The following SAMD5 variants were observed in gnomAD, a reference collection of about 807,000 sequenced individuals.
SAMD5 encodes sterile alpha motif domain containing 5.
SAMD5 carries 13 observed loss-of-function variants against 11.3 expected under a neutral mutation model. That is an observed-to-expected ratio of 1.15 (90% CI 0.75 to 1.83). The LOEUF (loss-of-function observed/expected upper bound fraction) is 1.83, where lower values mean the gene tolerates loss of function less well. Ranked by LOEUF, SAMD5 falls within the 40% of genes most tolerant of loss-of-function variation. SAMD5 has a pLI of 0.00. For missense variants in SAMD5, 255 were observed against 239.1 expected, an observed-to-expected ratio of 1.07 and a Z score of -0.44; for synonymous variants, 129 against 111.3, an observed-to-expected ratio of 1.16 and a Z score of -1.00.
rs190470963 is a variant in SAMD5, at chr6:147,619,459, A to G, written c.162+110072A>G. 3.5e-3 allele frequency among the ~76,000 whole-genome samples: 534 copies of G among 152,334 alleles called. 6 individuals are homozygous for G. The highest frequency in any genetic ancestry group is 5.5e-3 in the Non-Finnish European group (371 of 68,032). ...AGATACTCATGAGGCAGATACGCAGATACTCATGAGGCAGATATGTGGATA... is the reference window on the plus strand; with the variant it reads ...AGATACTCATGAGGCAGATACGCAGGTACTCATGAGGCAGATATGTGGATA... On this transcript the variant is annotated intron_variant, in intron 1 of 1. Transcript: ENST00000566741.
At chr6:147,558,733 A>T (rs1788897736) in intron 1 of SAMD5, among the ~76,000 whole-genome samples, 1 of 151,900 alleles carries the variant, frequency 6.6e-6, no homozygotes, top group African/African-American at 2.4e-5. Context: ...GTGTGGGCCC[A>T]CTGACCCATC....
intron 1 of SAMD5, among the ~76,000 whole-genome samples, chr6:147,649,507 A>G (rs1021131426): frequency 1.3e-5 from 2 of 152,208 alleles, no homozygotes; most frequent in African/African-American, 4.8e-5. Flanking sequence ...AAAAGTATAA[A>G]CAAGCTGGGC....
the SAMD5 span, among the ~76,000 whole-genome samples, chr6:147,786,569 A>G: frequency 6.6e-6 from 1 of 152,356 alleles, no homozygotes; most frequent in East Asian, 1.9e-4. Flanking sequence ...CATCAGTCAA[A>G]GTATGTATTT....
At chr6:147,796,577 A>C in the SAMD5 span, among the ~76,000 whole-genome samples, 3 of 152,178 alleles carry the variant, frequency 2.0e-5, no homozygotes, top group Non-Finnish European at 4.4e-5. Flanking sequence ...TATGAACTTT[A>C]AAGTAGTTTT....
chr6:147,572,684 T>C (rs546766186), downstream of SAMD5, among the ~76,000 whole-genome samples: 2 of 152,288 alleles, frequency 1.3e-5, no homozygotes, highest in African/African-American at 4.8e-5. Flanking sequence ...CAATTAAAAC[T>C]AATAATCAAT....
downstream of SAMD5, among the ~76,000 whole-genome samples, chr6:147,741,035 A>C (rs926446472): frequency 1.3e-5 from 2 of 152,208 alleles, no homozygotes; most frequent in Non-Finnish European, 2.9e-5. Flanking sequence ...TCAGGTATAC[A>C]TTCAAGTATT....
intron 1 of SAMD5, among the ~76,000 whole-genome samples, chr6:147,691,218 T>A (rs946381197): frequency 6.6e-6 from 1 of 152,164 alleles, no homozygotes. Flanking sequence ...GGTCTTGAAC[T>A]CCTGACCTCA....
At chr6:147,938,632 A>G in the SAMD5 span, among the ~76,000 whole-genome samples, 1 of 152,324 alleles carries the variant, frequency 6.6e-6, no homozygotes, top group Admixed American at 6.5e-5. Flanking sequence ...TATGTTTCCA[A>G]GCTGTAGTGA....
rs751602958 is a variant in SAMD5, at chr6:147,569,640, A to G, written c.*5184A>G. 3.0e-6 allele frequency: 3 copies of G among 985,346 alleles called. No individual in the cohort carries two copies. The highest frequency in any genetic ancestry group is 2.4e-6 in the Non-Finnish European group (2 of 829,912). 61.0% of individuals were successfully genotyped at this position (985,346 alleles called of 1,614,324 possible). On this transcript the variant is annotated 3_prime_UTR_variant, in exon 2 of 2. Transcript: ENST00000367474. Reference sequence around the variant, plus strand: ...GACTGGGACAAACGTTAGAAATTGTATTGTTCATTGCACTTGTTGCCCTGT... The same window carrying G: ...GACTGGGACAAACGTTAGAAATTGTGTTGTTCATTGCACTTGTTGCCCTGT...
intron 1 of SAMD5, among the ~76,000 whole-genome samples, chr6:147,726,846 A>G (rs1791636510): frequency 6.6e-6 from 1 of 152,248 alleles, no homozygotes; most frequent in Admixed American, 6.5e-5. Context: ...GCTGTATAAC[A>G]GCTCCATGCT....
the SAMD5 span, among the ~76,000 whole-genome samples, chr6:147,770,863 C>A: frequency 1.3e-5 from 2 of 152,100 alleles, no homozygotes; most frequent in African/African-American, 4.8e-5. Context: ...CTGTGCAATT[C>A]AAGTGAAAGA....
At chr6:147,541,563 G>C (rs1478649432) in intron 1 of SAMD5, among the ~76,000 whole-genome samples, 1 of 152,152 alleles carries the variant, frequency 6.6e-6, no homozygotes, top group Non-Finnish European at 1.5e-5. Flanking sequence ...GTTACCCAGA[G>C]AGACAGGCCT....
In SAMD5 at chr6:147,673,456, G is replaced by A. The variant is rs569463739; in HGVS notation, c.163-63861G>A. On this transcript the variant is annotated intron_variant, in intron 1 of 1. Coordinates refer to the SAMD5 transcript ENST00000566741. The stretch of plus-strand genomic sequence containing the variant: ...TCTTGATCGCCTGACCTCTTGATCC[G>A]TCTGCCTCGGCCTCCTGAAATGCTG... 8.8e-4 allele frequency among the ~76,000 whole-genome samples: 134 copies of A among 152,060 alleles called. 2 individuals carry two copies. The South Asian group carries it at 0.025, about 28-fold the overall frequency.
the SAMD5 span, among the ~76,000 whole-genome samples, chr6:147,911,457 C>T: frequency 6.6e-6 from 1 of 152,150 alleles, no homozygotes; most frequent in East Asian, 1.9e-4. Flanking sequence ...ATGTCATAGC[C>T]CAGGGACTCT....
intron 1 of SAMD5, among the ~76,000 whole-genome samples, chr6:147,586,430 A>G (rs145640503): frequency 3.4e-4 from 52 of 152,220 alleles, no homozygotes; most frequent in African/African-American, 1.2e-3. Flanking sequence ...TGTGCCCTCC[A>G]CAAGGGAAAA....
chr6:147,941,852 G>T, the SAMD5 span, among the ~76,000 whole-genome samples: 16 of 132,714 alleles, frequency 1.2e-4, no homozygotes, highest in South Asian at 8.7e-4. Flanking sequence ...GTGTGAAGTT[G>T]GTTTGTTTGT....
At chr6:147,835,186 T>C in the SAMD5 span, among the ~76,000 whole-genome samples, 2 of 144,076 alleles carry the variant, frequency 1.4e-5, no homozygotes, top group Non-Finnish European at 3.0e-5. Flanking sequence ...TGAGCTGAGA[T>C]TGCACCACTG....
the SAMD5 span, among the ~76,000 whole-genome samples, chr6:147,950,033 C>T: frequency 6.6e-6 from 1 of 152,152 alleles, no homozygotes; most frequent in African/African-American, 2.4e-5. Context: ...AGGTATAAGA[C>T]ATGTCAGGCA....
chr6:147,808,178 A>G, the SAMD5 span, among the ~76,000 whole-genome samples: 1 of 152,182 alleles, frequency 6.6e-6, no homozygotes, highest in Admixed American at 6.5e-5. Flanking sequence ...ACTTGTGGCT[A>G]TAAATTTGGT....
Sources: allele counts gnomAD v4.1 joint callset (sites outside exome capture counted in the v4.1 genomes callset), GRCh38; gene constraint gnomAD v4.1.1; transcripts MANE v1.5; gene names NCBI Gene and HGNC (gene_info 2026-07-23, HGNC 2026-07-21).